Variants in SLC12A6 observed in about 807,000 individuals in gnomAD.
SLC12A6 encodes the protein K-Cl cotransporter 3.
Under a neutral mutation model 135.3 loss-of-function variants are expected in SLC12A6, and 66 were observed. The ratio of observed to expected loss-of-function variants is 0.49; its 90% CI spans 0.40 to 0.60. The LOEUF (loss-of-function observed/expected upper bound fraction) is 0.60, where lower values mean the gene tolerates loss of function less well. SLC12A6 is among the 20% of genes least tolerant of loss of function. The pLI, the probability that SLC12A6 is intolerant of heterozygous loss-of-function variation, is 0.00. For missense variants in SLC12A6, 1,058 were observed against 1,452.3 expected (o/e 0.73, Z 4.41); for synonymous variants, 513 against 508.8 (o/e 1.01, Z -0.11).
chr15:34,271,582 A>C (rs1893948380), intron 3 of SLC12A6, among the ~76,000 whole-genome samples: 1 of 144,064 alleles, frequency 6.9e-6, no homozygotes, highest in South Asian at 2.2e-4. Flanking sequence ...GCTTTCTAAA[A>C]ATTTTTTTAA....
At chr15:34,292,204 T>C (rs1210741459) in intron 2 of SLC12A6, among the ~76,000 whole-genome samples, 2 of 152,196 alleles carry the variant, frequency 1.3e-5, no homozygotes, top group Non-Finnish European at 2.9e-5. Context: ...GTTGATGCTA[T>C]TCCTTTCTGT....
At chr15:34,335,505 A>T in intron 2 of SLC12A6, among the ~76,000 whole-genome samples, 1 of 152,210 alleles carries the variant, frequency 6.6e-6, no homozygotes, top group Non-Finnish European at 1.5e-5. Context: ...TTTATCATTA[A>T]AAGATTACAT....
intron 2 of SLC12A6, among the ~76,000 whole-genome samples, chr15:34,278,802 C>G (rs1182863986): frequency 6.6e-6 from 1 of 151,954 alleles, no homozygotes; most frequent in Non-Finnish European, 1.5e-5. Flanking sequence ...AACTCCTGAC[C>G]TCATGATCCA....
At chr15:34,320,887 C>T (rs753887513) in intron 2 of SLC12A6, among the ~76,000 whole-genome samples, 2 of 150,620 alleles carry the variant, frequency 1.3e-5, no homozygotes, top group Admixed American at 6.6e-5. Context: ...CCAGCCTGGG[C>T]GACAGAGCAA....
Position 34,257,666 on chromosome 15 carries a change from T to C in SLC12A6, c.666A>G (p.Ala222=). 6.2e-7 allele frequency: 1 copy of C among 1,613,842 alleles called. No individual in the cohort carries two copies. The highest frequency in any genetic ancestry group is 1.3e-5 in the African/African-American group (1 of 75,024). The part of the protein sequence containing the change: ...VGTAGVLQAF[A]IVLICCCCTM... Reference sequence around the variant, plus strand: ...CACAGCAGCAGCAGATAAGGACAATTGCAAAAGCCTGAAGAACTCCAGCTG... The same window carrying C: ...CACAGCAGCAGCAGATAAGGACAATCGCAAAAGCCTGAAGAACTCCAGCTG... Residue 222 remains alanine (A), a synonymous_variant, in exon 6 of 26, where the codon GCA becomes GCG. Transcript: ENST00000354181.
chr15:34,306,536 A>T (rs1343959419), intron 2 of SLC12A6, among the ~76,000 whole-genome samples: 1 of 152,172 alleles, frequency 6.6e-6, no homozygotes, highest in Admixed American at 6.5e-5. Context: ...CACACAGCCC[A>T]TGGCCTCAAT....
chr15:34,259,102 G>A (rs1375314126), intron 4 of SLC12A6, among the ~76,000 whole-genome samples, 158 bp from the exon 5 acceptor site: 2 of 152,192 alleles, frequency 1.3e-5, no homozygotes, highest in African/African-American at 2.4e-5. Context: ...CACTTTGGGA[G>A]GCCAAGGTGG....
intron 2 of SLC12A6, among the ~76,000 whole-genome samples, chr15:34,305,227 C>T (rs1896521224): frequency 6.6e-6 from 1 of 152,100 alleles, no homozygotes; most frequent in African/African-American, 2.4e-5. Context: ...TCACTGATCT[C>T]CCCCAGAACT....
rs528762921 is a variant in SLC12A6 at position 34,232,837 on chromosome 15, A to G, written c.*1044T>C. On this transcript the variant is annotated 3_prime_UTR_variant, in exon 26 of 26. Transcript: ENST00000354181. ...GTGTGGCTCTAGAACTTCCAATTCC[A>G]TTGCTAGATGTGCCCTTTAAAAGAT... 1 of 151,498 alleles carries G rather than the reference A, an allele frequency of 6.6e-6. No individual in the cohort carries two copies. The highest frequency in any genetic ancestry group is 2.4e-5 in the African/African-American group (1 of 41,146). The allele number at this position is 151,498 out of a possible 1,614,324, so 9.4% of individuals were successfully genotyped here. A position where few individuals can be genotyped will look rare whatever the true frequency, so the allele number is the denominator to read the frequency against.
At chr15:34,294,480 C>T (rs1259195978) in intron 2 of SLC12A6, among the ~76,000 whole-genome samples, 1 of 152,214 alleles carries the variant, frequency 6.6e-6, no homozygotes, top group East Asian at 1.9e-4. Context: ...TGATCTCGAA[C>T]TCTTGACCGC....
At chr15:34,296,678 T>A (rs1289134566) in intron 2 of SLC12A6, among the ~76,000 whole-genome samples, 1 of 152,188 alleles carries the variant, frequency 6.6e-6, no homozygotes, top group Non-Finnish European at 1.5e-5. Flanking sequence ...TATCGATGCG[T>A]TGCTAATGCA....
rs774326615 is a variant in SLC12A6 at position 34,229,878 on chromosome 15, T to TAATC, written c.*3999_*4002dup. The TAATC allele has an allele frequency of 4.8e-5, 58 of 1,207,506 alleles. No individual in the cohort carries two copies. In the East Asian group the frequency reaches 6.3e-4, roughly 13 times the overall value. 74.8% of individuals were successfully genotyped at this position (1,207,506 alleles called of 1,614,324 possible). A position where few individuals can be genotyped will look rare whatever the true frequency, so the allele number is the denominator to read the frequency against. Reference sequence around the variant, plus strand: ...GTGGCTCCTCAGCATACTCTTAAACTAATCACTTATGTTAAAAAGAACCAA... The same window carrying TAATC: ...GTGGCTCCTCAGCATACTCTTAAACTAATCAATCACTTATGTTAAAAAGAACCAA... On this transcript the variant is annotated 3_prime_UTR_variant, in exon 26 of 26. Transcript: ENST00000354181.
At chr15:34,317,537 T>C (rs1888736060) in intron 2 of SLC12A6, among the ~76,000 whole-genome samples, 1 of 152,060 alleles carries the variant, frequency 6.6e-6, no homozygotes, top group Non-Finnish European at 1.5e-5. Context: ...ACCTTGTCTC[T>C]ACTAAAAATA....
Position 34,254,450 on chromosome 15 carries a change from T to A in SLC12A6, c.1016A>T (p.Tyr339Phe), listed in dbSNP as rs1172573398. 1.2e-6 allele frequency: 2 copies of A among 1,613,964 alleles called. No individual in the cohort carries two copies. Residue 339 changes from tyrosine to phenylalanine, a missense_variant, in exon 9 of 26, where the codon TAT (tyrosine) becomes TTT (phenylalanine). By Grantham distance (22) the Tyr-to-Phe change is conservative. This residue lies in a region of SLC12A6 where 297 missense variants were observed against 318.5 expected (regional missense o/e 0.93). Transcript: ENST00000354181. ...MVLVVFIGVR[Y>F]VNKFASLFLA... is the part of the protein sequence containing the mutation. The stretch of plus-strand genomic sequence containing the variant: ...GAAAAGTGAGGCAAACTTGTTCACA[T>A]AGCGTACGCCGATAAATACCACTAA...
chr15:34,257,858 T>C, intron 5 of SLC12A6, 70 bp from the exon 6 acceptor site: 1 of 1,074,522 alleles, frequency 9.3e-7, no homozygotes, highest in Non-Finnish European at 1.4e-6. Context: ...TTTTATGTAA[T>C]AACTTGCTCC....
intron 2 of SLC12A6, among the ~76,000 whole-genome samples, chr15:34,326,858 CTTTTTTTTTTTTTT>C (rs397963192): frequency 4.6e-4 from 33 of 72,178 alleles, no homozygotes; most frequent in African/African-American, 2.5e-3. Context: ...CAACTGGCTG[CTTTTTTTTTTTTTT>C]TTTTTTTTTT....
Position 34,239,137 on chromosome 15 carries a change from T to C in SLC12A6, c.2460A>G (p.Ala820=). 6.2e-7 allele frequency: 1 copy of C among 1,613,844 alleles called. No homozygotes were observed. Among genetic ancestry groups the C allele is most frequent in the African/African-American group, 1.3e-5 (1 of 75,050 alleles). The change falls in exon 20 of 26, where the codon GCA becomes GCG. Residue 820 remains alanine (A), a synonymous_variant. Transcript: ENST00000354181. ...GCTGGCAGAATCCTTTTACCTTCTC[T>C]GCCTCCATTAGGTGCTTTATGGTCT... ...AEQTIKHLME[A]EKVKGFCQLV...
intron 2 of SLC12A6, among the ~76,000 whole-genome samples, chr15:34,311,910 T>A (rs1176598155): frequency 6.6e-6 from 1 of 152,240 alleles, no homozygotes; most frequent in Non-Finnish European, 1.5e-5. Context: ...TCCTCTGAGA[T>A]ACCTGTCCAG....
rs1459227527 is a variant in SLC12A6, at chr15:34,257,444, T to C, written c.690+198A>G. 3 of 574,314 alleles carry C rather than the reference T, an allele frequency of 5.2e-6. No individual in the cohort carries two copies. The East Asian group carries it at 9.1e-5, about 17-fold the overall frequency. The allele number at this position is 574,314 out of a possible 1,614,324, so 35.6% of individuals were successfully genotyped here. The stretch of plus-strand genomic sequence containing the variant: ...GCTTTGTAATTTCTAGTACATCATA[T>C]AATAGATAGCAAGCAGTGACTAACA... On this transcript the variant is annotated intron_variant, in intron 6 of 25. Coordinates refer to ENST00000354181, the MANE Select transcript of SLC12A6 (RefSeq NM_001365088.1).
Sources: allele counts gnomAD v4.1 joint callset (sites outside exome capture counted in the v4.1 genomes callset), GRCh38; gene constraint gnomAD v4.1.1; regional missense constraint gnomAD v4.1.1; transcripts MANE v1.5; gene names NCBI Gene and HGNC (gene_info 2026-07-23, HGNC 2026-07-21).